The following STPG2 variants were observed in gnomAD, a reference collection of about 807,000 sequenced individuals.
STPG2 encodes sperm-tail PG-rich repeat-containing protein 2.
A neutral mutation model predicts 54.2 loss-of-function variants in STPG2; 56 were observed. The ratio of observed to expected loss-of-function variants is 1.03; its 90% confidence interval spans 0.83 to 1.29. STPG2 has a LOEUF of 1.29. Ranked by LOEUF, STPG2 falls within the 50% of genes most tolerant of loss-of-function variation. The pLI is 0.00. For missense variants in STPG2, 596 were observed against 544.9 expected, an observed-to-expected ratio of 1.09 and a Z score of -0.93; for synonymous variants, 200 against 181.8, an observed-to-expected ratio of 1.10 and a Z score of -0.81.
At chr4:97,705,309 C>A (rs1160939529) in intron 10 of STPG2, among the ~76,000 whole-genome samples, 2 of 150,720 alleles carry the variant, frequency 1.3e-5, no homozygotes, top group African/African-American at 5.0e-5. Flanking sequence ...AAGTCTTACT[C>A]CCTTTGTCTA....
At chr4:97,815,627 T>C (rs1178098690) in intron 9 of STPG2, among the ~76,000 whole-genome samples, 1 of 152,168 alleles carries the variant, frequency 6.6e-6, no homozygotes, top group African/African-American at 2.4e-5. Flanking sequence ...ACCATTTAAG[T>C]AACAAGATGT....
intron 8 of STPG2, among the ~76,000 whole-genome samples, chr4:97,883,409 TAG>T (rs531520148): frequency 0.023 from 3,412 of 148,202 alleles, 74 homozygotes; most frequent in African/African-American, 0.065. Context: ...AAAAAAAAAA[TAG>T]AGAGAGAGAG....
chr4:97,727,564 C>T (rs752681785), intron 9 of STPG2, among the ~76,000 whole-genome samples: 1 of 151,880 alleles, frequency 6.6e-6, no homozygotes, highest in Non-Finnish European at 1.5e-5. Context: ...GCTGATATAA[C>T]ACACTATAAA....
intron 9 of STPG2, among the ~76,000 whole-genome samples, chr4:97,820,906 C>T (rs1167765354): frequency 6.6e-6 from 1 of 152,140 alleles, no homozygotes; most frequent in African/African-American, 2.4e-5. Flanking sequence ...CCAGGCCCCA[C>T]CTCCAAAATA....
rs576596525 is a variant in STPG2, at chr4:98,020,449, T to A, written c.613-39131A>T. On this transcript the variant is annotated intron_variant, in intron 5 of 10. Transcript: ENST00000295268. ...ATTTTATTGAGGATTTTTGCCTCAATGTTCATCAAGGATATTGGTCTAAAA... is the reference window on the plus strand; with the variant it reads ...ATTTTATTGAGGATTTTTGCCTCAAAGTTCATCAAGGATATTGGTCTAAAA... Among the ~76,000 whole-genome samples, 19 of 151,050 alleles carry A rather than the reference T, an allele frequency of 1.3e-4. No homozygotes were observed. The South Asian group carries it at 3.2e-3, about 25-fold the overall frequency.
At chr4:97,452,752 C>A (rs376714198) in intron 4 of STPG2, among the ~76,000 whole-genome samples, 13 of 152,254 alleles carry the variant, frequency 8.5e-5, no homozygotes, top group African/African-American at 3.1e-4. Context: ...AGGGTCTCCT[C>A]TCTGCTGAGA....
chr4:97,558,784 G>T, downstream of STPG2: 2 of 352,004 alleles, frequency 5.7e-6, no homozygotes, highest in Non-Finnish European at 5.1e-6. Context: ...GAAACTATGA[G>T]ATAATAAATG....
At chr4:97,650,650 A>G (rs1246360461) in intron 10 of STPG2, among the ~76,000 whole-genome samples, 1 of 152,144 alleles carries the variant, frequency 6.6e-6, no homozygotes, top group African/African-American at 2.4e-5. Flanking sequence ...GGCTGCCCTT[A>G]GAGACAATAG....
At chr4:97,450,599 C>G (rs1165793878) in intron 4 of STPG2, among the ~76,000 whole-genome samples, 1 of 151,866 alleles carries the variant, frequency 6.6e-6, no homozygotes. Flanking sequence ...GGGAGGCACT[C>G]CAGACTCAAA....
intron 8 of STPG2, among the ~76,000 whole-genome samples, chr4:97,916,105 T>A (rs1367399089): frequency 6.6e-6 from 1 of 152,162 alleles, no homozygotes; most frequent in Non-Finnish European, 1.5e-5. Context: ...TGGGATATGT[T>A]TTCCTAGTGT....
chr4:97,466,974 G>A (rs575315344), intron 4 of STPG2, among the ~76,000 whole-genome samples: 61 of 151,956 alleles, frequency 4.0e-4, no homozygotes, highest in African/African-American at 1.4e-3. Context: ...AGTCAAAACC[G>A]ACAAATGTGT....
intron 8 of STPG2, among the ~76,000 whole-genome samples, chr4:97,873,327 C>G (rs566377501): frequency 1.4e-4 from 21 of 151,306 alleles, no homozygotes; most frequent in Non-Finnish European, 2.4e-4. Context: ...ATTCCTAGAT[C>G]ACAGAGAAAG....
At chr4:97,812,225 A>G (rs1578585930) in intron 9 of STPG2, among the ~76,000 whole-genome samples, 1 of 152,176 alleles carries the variant, frequency 6.6e-6, no homozygotes, top group African/African-American at 2.4e-5. Flanking sequence ...ACTTTCTTAC[A>G]TATTACCAGA....
At chr4:97,676,461 C>A (rs1271094071) in intron 10 of STPG2, among the ~76,000 whole-genome samples, 4 of 151,504 alleles carry the variant, frequency 2.6e-5, no homozygotes, top group East Asian at 1.9e-4. Flanking sequence ...AATTGATTTT[C>A]TTTTTCCGCA....
At chr4:97,519,597 A>T (rs1045707786) in intron 4 of STPG2, among the ~76,000 whole-genome samples, 1 of 152,112 alleles carries the variant, frequency 6.6e-6, no homozygotes, top group Non-Finnish European at 1.5e-5. Context: ...AAGTGGGATC[A>T]AATACAGATG....
At chr4:97,542,387 A>T (rs1731734744) in intron 4 of STPG2, among the ~76,000 whole-genome samples, 1 of 152,238 alleles carries the variant, frequency 6.6e-6, no homozygotes, top group Non-Finnish European at 1.5e-5. Context: ...ATCACTGGCC[A>T]TCAGAGAAAT....
intron 4 of STPG2, among the ~76,000 whole-genome samples, chr4:97,446,841 C>T (rs1323705435): frequency 6.6e-6 from 1 of 152,156 alleles, no homozygotes; most frequent in Non-Finnish European, 1.5e-5. Flanking sequence ...TTATAAATTA[C>T]CCAGTCTCAG....
At chr4:98,027,077 A>C (rs914988024) in intron 5 of STPG2, among the ~76,000 whole-genome samples, 9 of 152,238 alleles carry the variant, frequency 5.9e-5, no homozygotes, top group African/African-American at 2.2e-4. Context: ...GGTAAGATGC[A>C]GACGGCTCTT....
chr4:97,943,926 C>T lies in STPG2; in HGVS notation c.1015G>A (p.Ala339Thr), dbSNP rs755466908. 1.3e-6 allele frequency: 2 copies of T among 1,588,920 alleles called. No individual in the cohort carries two copies. The highest frequency in any genetic ancestry group is 1.9e-5 in the Admixed American group (1 of 53,368). Residue 339 changes from alanine (A) to threonine (T), a missense_variant, in exon 8 of 11, where the codon GCC becomes ACC. Coordinates refer to ENST00000295268, the MANE Select transcript of STPG2 (RefSeq NM_174952.3). ...TCTGGTACTTTCATAGTTCTTTTGG[C>T]TCTTGACAAGAAAGCAGCATATTTG... ...TNKYAAFLSR[A>T]KRTMKVPDMV...
Sources: allele counts gnomAD v4.1 joint callset (sites outside exome capture counted in the v4.1 genomes callset), GRCh38; gene constraint gnomAD v4.1.1; transcripts MANE v1.5; gene names NCBI Gene and HGNC (gene_info 2026-07-23, HGNC 2026-07-21).